Variants in PPP2R1A observed in about 807,000 individuals in gnomAD.
PPP2R1A encodes protein phosphatase 2 scaffold subunit Aalpha.
Under a neutral mutation model 67.1 loss-of-function variants are expected in PPP2R1A, and 15 were observed. The ratio of observed to expected loss-of-function variants is 0.22; its 90% confidence interval spans 0.15 to 0.34. The LOEUF is 0.34. PPP2R1A is among the 10% of genes least tolerant of loss of function. The pLI, the probability that PPP2R1A is intolerant of heterozygous loss-of-function variation, is 1.00. For synonymous variants in PPP2R1A, 337 were observed against 325.0 expected, an observed-to-expected ratio of 1.04 and a Z score of -0.40; for missense variants, 369 against 775.0, an observed-to-expected ratio of 0.48 and a Z score of 6.22.
chr19:52,198,464 A>G (rs1377274902), intron 1 of PPP2R1A, among the ~76,000 whole-genome samples: 2 of 152,042 alleles, frequency 1.3e-5, no homozygotes, highest in Non-Finnish European at 2.9e-5. Context: ...GGTTTGATTA[A>G]TTTGCTGGAG....
intron 3 of PPP2R1A, among the ~76,000 whole-genome samples, chr19:52,206,616 T>C (rs1409707970): frequency 2.0e-5 from 3 of 152,112 alleles, no homozygotes; most frequent in African/African-American, 4.8e-5. Context: ...CTCTTCAGAT[T>C]GTATGACTAG....
At chr19:52,220,046 A>G (rs1978820932) in intron 10 of PPP2R1A, 143 bp from the exon 11 acceptor site, 22 of 1,192,180 alleles carry the variant, frequency 1.8e-5, no homozygotes, top group Non-Finnish European at 1.7e-5. Flanking sequence ...AATAAGAGAG[A>G]GGAGGGAAAG....
rs117916985 is a variant in PPP2R1A, at chr19:52,228,700, C to T, written c.*2719C>T. 1.3e-5 allele frequency: 2 copies of T among 152,368 alleles called. No homozygotes were observed. Among genetic ancestry groups the T allele is most frequent in the Non-Finnish European group, 2.9e-5 (2 of 68,088 alleles). 9.4% of individuals were successfully genotyped at this position (152,368 alleles called of 1,614,324 possible). A position where few individuals can be genotyped will look rare whatever the true frequency, so the allele number is the denominator to read the frequency against. ...CTAGGCCTAAATCCCAGCAGTCACACTGGCCATCTCTAATGGTTCCTTCCA... is the reference window on the plus strand; with the variant it reads ...CTAGGCCTAAATCCCAGCAGTCACATTGGCCATCTCTAATGGTTCCTTCCA... On this transcript the variant is annotated 3_prime_UTR_variant, in exon 15 of 15. Transcript: ENST00000322088.
rs1978563560 is a variant in PPP2R1A at position 52,216,214 on chromosome 19, G to T, written c.993+140G>T. 3.1e-6 allele frequency: 3 copies of T among 956,314 alleles called. No individual in the cohort carries two copies. Among genetic ancestry groups the T allele is most frequent in the Non-Finnish European group, 1.6e-6 (1 of 638,650 alleles). The allele number at this position is 956,314 out of a possible 1,614,324, so 59.2% of individuals were successfully genotyped here. A position where few individuals can be genotyped will look rare whatever the true frequency, so the allele number is the denominator to read the frequency against. On this transcript the variant is annotated intron_variant, in intron 8 of 14. Transcript: ENST00000322088. This position sits in a 1 kb window ranked among gnomAD's most constrained non-coding sequence, Gnocchi z 4.3. ...CCAGGCAGCTCTTGGGTTTCAAGCAGTTAGGGGTCCTGACTGCAGCTTGAG... is the reference window on the plus strand; with the variant it reads ...CCAGGCAGCTCTTGGGTTTCAAGCATTTAGGGGTCCTGACTGCAGCTTGAG...
At chr19:52,190,236 CT>C in intron 1 of PPP2R1A, 62 bp downstream of exon 1, 1 of 1,520,818 alleles carries the variant, frequency 6.6e-7, no homozygotes, top group Non-Finnish European at 8.9e-7. Context: ...ACGGGCGGCC[CT>C]CGCGGAGAAG....
rs2089693396 is a variant in PPP2R1A at position 52,213,435 on chromosome 19, C to T, written c.807+325C>T. On this transcript the variant is annotated intron_variant, in intron 6 of 14. Transcript: ENST00000322088. The surrounding 1 kb of genome is among the most constrained non-coding windows in gnomAD (Gnocchi z 4.2). ...TCCTTTCACAAAGGGGAAGACAGCC[C>T]AAAAAGGTGGGGTTTTTTGGTGTTT... 6.9e-6 allele frequency among the ~76,000 whole-genome samples: 1 copy of T among 144,812 alleles called. No homozygotes were observed. Among genetic ancestry groups the T allele is most frequent in the Admixed American group, 7.0e-5 (1 of 14,378 alleles).
chr19:52,215,546 C>T (rs755533), intron 6 of PPP2R1A, among the ~76,000 whole-genome samples: 57,935 of 151,996 alleles, frequency 0.38, 11,808 homozygotes, highest in African/African-American at 0.54. Context: ...CTGACAACAC[C>T]GTGAGGTAGG....
intron 1 of PPP2R1A, among the ~76,000 whole-genome samples, chr19:52,193,949 C>CA (rs781755185): frequency 0.046 from 5,402 of 116,836 alleles, 119 homozygotes; most frequent in Non-Finnish European, 0.069. Flanking sequence ...CTGTCTCTAC[C>CA]AAAAAAAAAA....
At chr19:52,208,325 CA>C (rs1050616674) in intron 3 of PPP2R1A, among the ~76,000 whole-genome samples, 15 of 151,562 alleles carry the variant, frequency 9.9e-5, no homozygotes, top group Admixed American at 8.5e-4. Context: ...TGTGCCACCG[CA>C]CCCAGCTAAT....
chr19:52,201,787 A>G (rs932131411), intron 1 of PPP2R1A, 157 bp from the exon 2 acceptor site: 2 of 611,804 alleles, frequency 3.3e-6, no homozygotes, highest in African/African-American at 3.7e-5. Flanking sequence ...CCTCGAGGTC[A>G]CAGGGTCTCT....
Position 52,219,831 on chromosome 19 carries a change from C to T in PPP2R1A, c.1269C>T (p.Ile423=). Residue 423 remains isoleucine (I), a synonymous_variant, in exon 10 of 15, where the codon ATC becomes ATT. Coordinates refer to ENST00000322088, the MANE Select transcript of PPP2R1A (RefSeq NM_014225.6). The surrounding 1 kb of genome is among the most constrained non-coding windows in gnomAD (Gnocchi z 4.0). ...CCAAGTGGCGGGTGCGGCTGGCCAT[C>T]ATTGAGTACATGCCCCTCCTGGCTG... is the stretch of plus-strand genomic sequence containing the variant. The part of the protein sequence containing the change: ...EDAKWRVRLA[I]IEYMPLLAGQ... 1 of 1,612,460 alleles carries T rather than the reference C, an allele frequency of 6.2e-7. No individual in the cohort carries two copies. Among genetic ancestry groups the T allele is most frequent in the Admixed American group, 1.7e-5 (1 of 59,992 alleles).
chr19:52,223,173 A>G (rs1418499012), intron 13 of PPP2R1A, among the ~76,000 whole-genome samples: 1 of 152,230 alleles, frequency 6.6e-6, no homozygotes, highest in Non-Finnish European at 1.5e-5. Flanking sequence ...GGAGAAATGT[A>G]TGTTTTTTAA....
intron 13 of PPP2R1A, 23 bp from the exon 14 acceptor site, chr19:52,225,694 C>A: frequency 6.2e-7 from 1 of 1,609,438 alleles, no homozygotes; most frequent in South Asian, 1.1e-5. Flanking sequence ...CCCTCTCTCT[C>A]CCTGTCTCCT....
rs147741742 is a variant in PPP2R1A at position 52,203,566 on chromosome 19, C to G, written c.169+1532C>G. 2.4e-3 allele frequency among the ~76,000 whole-genome samples: 364 copies of G among 152,066 alleles called. 3 individuals carry two copies. The highest frequency in any genetic ancestry group is 8.4e-3 in the African/African-American group (347 of 41,490). ...TAACACTCGGGGTGTGTAGGGAAAA[C>G]TCTGTGACTTTCCTCTACTTTCACA... is the stretch of plus-strand genomic sequence containing the variant. On this transcript the variant is annotated intron_variant, in intron 2 of 14. Transcript: ENST00000322088.
chr19:52,215,817 C>A lies in PPP2R1A; in HGVS notation c.846C>A (p.Asp282Glu), dbSNP rs11537699. The change falls in exon 7 of 15, where the codon GAC becomes GAA. Residue 282 changes from aspartate to glutamate, a missense_variant. Asp to Glu is a conservative substitution (Grantham distance 45, BLOSUM62 2). Around this residue, in one of 2 missense-constraint regions of PPP2R1A, gnomAD observed 276 missense variants for 508.4 expected, o/e 0.54. Coordinates refer to ENST00000322088, the MANE Select transcript of PPP2R1A (RefSeq NM_014225.6). Reference sequence around the variant, plus strand: ...TGGGGCCTGAGATCACCAAGACAGACCTGGTCCCTGCCTTCCAGAACCTGA... The same window carrying A: ...TGGGGCCTGAGATCACCAAGACAGAACTGGTCCCTGCCTTCCAGAACCTGA... ...KAVGPEITKTDLVPAFQNLMK... is the reference protein window; with the variant it reads ...KAVGPEITKTELVPAFQNLMK... 6.2e-7 allele frequency: 1 copy of A among 1,614,048 alleles called. No homozygotes were observed. Among genetic ancestry groups the A allele is most frequent in the Non-Finnish European group, 8.5e-7 (1 of 1,179,940 alleles).
chr19:52,223,920 G>A (rs896939186), intron 13 of PPP2R1A, among the ~76,000 whole-genome samples: 2 of 152,126 alleles, frequency 1.3e-5, no homozygotes, highest in African/African-American at 4.8e-5. Context: ...AATGTTCATG[G>A]TAGCTTTATT....
intron 9 of PPP2R1A, among the ~76,000 whole-genome samples, chr19:52,217,679 G>A (rs1302382224): frequency 6.6e-6 from 1 of 152,012 alleles, no homozygotes; most frequent in Non-Finnish European, 1.5e-5. Context: ...ATTCGGTGGT[G>A]GATTTTTTTT....
intron 3 of PPP2R1A, among the ~76,000 whole-genome samples, chr19:52,206,585 G>C (rs1377204118): frequency 6.6e-6 from 1 of 152,120 alleles, no homozygotes; most frequent in Non-Finnish European, 1.5e-5. Context: ...GAGCCACCTG[G>C]AGCACTGAGA....
chr19:52,223,479 AT>A (rs1979067645), intron 13 of PPP2R1A, among the ~76,000 whole-genome samples: 1 of 152,206 alleles, frequency 6.6e-6, no homozygotes, highest in Non-Finnish European at 1.5e-5. Context: ...ATGTTTTAAT[AT>A]ATGTTTCTGA....
Sources: gnomAD v4.1 joint callset for allele counts (sites outside exome capture counted in the v4.1 genomes callset) on GRCh38, gnomAD v4.1.1 for gene constraint, gnomAD v4.1.1 regional missense constraint, Gnocchi (gnomAD v3.1) non-coding constraint, MANE v1.5 for transcripts, NCBI Gene and HGNC (gene_info 2026-07-23, HGNC 2026-07-21) for gene names.